Variants in WNK1 observed in about 807,000 individuals in gnomAD.
WNK1 encodes WNK lysine deficient protein kinase 1.
Under a neutral mutation model 222.8 loss-of-function variants are expected in WNK1, and 38 were observed. The observed-to-expected ratio is 0.17, with a 90% confidence interval of 0.13 to 0.22. The LOEUF is 0.22. Ranked by LOEUF, WNK1 falls within the 10% of genes least tolerant of loss-of-function variation. The probability of loss-of-function intolerance (pLI) is 1.00; values close to 1 mark genes in which losing one functional copy is unlikely to be tolerated. For synonymous variants in WNK1, 1,090 were observed against 1,092.9 expected, an observed-to-expected ratio of 1.00 and a Z score of 0.05; for missense variants, 2,348 against 2,918.4, an observed-to-expected ratio of 0.80 and a Z score of 4.50.
intron 10 of WNK1, 96 bp from the exon 11 acceptor site, chr12:879,477 T>TTGGCTAATACA: frequency 5.1e-6 from 4 of 782,210 alleles, no homozygotes; most frequent in East Asian, 3.2e-5. Context: ...TTCCTTCTTT[T>TTGGCTAATACA]TGGCTAATAC....
chr12:878,324 C>T lies in WNK1; in HGVS notation c.2336C>T (p.Ala779Val), dbSNP rs141428612. 799 of 1,614,054 alleles carry T rather than the reference C, an allele frequency of 5.0e-4. 2 individuals are homozygous for T. Among genetic ancestry groups the T allele is most frequent in the Middle Eastern group, 2.8e-3 (17 of 6,062 alleles). Residue 779 changes from alanine to valine, a missense_variant, in exon 10 of 28, where the codon GCT becomes GTT. By Grantham distance (64) the Ala-to-Val change is moderately conservative. Coordinates refer to ENST00000315939, the MANE Select transcript of WNK1 (RefSeq NM_018979.4). ...TTAQPVSQPQ[A>V]PQVLPQVSAG... is the part of the protein sequence containing the mutation. ...GCACAGCCAGTGAGTCAGCCTCAAG[C>T]TCCACAAGTCTTGCCTCAAGTATCA...
At chr12:850,495 A>G (rs1467184200) in intron 4 of WNK1, among the ~76,000 whole-genome samples, 1 of 152,112 alleles carries the variant, frequency 6.6e-6, no homozygotes, top group East Asian at 1.9e-4. Context: ...GTAGATTGCA[A>G]AAATTTTCTC....
chr12:830,212 T>A, intron 4 of WNK1, 52 bp downstream of exon 4: 1 of 1,591,974 alleles, frequency 6.3e-7, no homozygotes, highest in Non-Finnish European at 8.6e-7. Flanking sequence ...TAACAAAGAA[T>A]CCCAAGGTGG....
chr12:790,465 T>G (rs1944729007), intron 1 of WNK1, among the ~76,000 whole-genome samples: 1 of 152,142 alleles, frequency 6.6e-6, no homozygotes, highest in African/African-American at 2.4e-5. Flanking sequence ...GGAGAAAGAC[T>G]TTTCCTTATC....
chr12:904,531 C>T (rs1446391946), intron 26 of WNK1: 2 of 1,279,724 alleles, frequency 1.6e-6, no homozygotes, highest in Non-Finnish European at 2.0e-6. Flanking sequence ...TCCTTGATTG[C>T]AAAGCCTGTT....
intron 4 of WNK1, among the ~76,000 whole-genome samples, chr12:856,596 A>G (rs1950815904): frequency 6.6e-6 from 1 of 152,136 alleles, no homozygotes; most frequent in African/African-American, 2.4e-5. Flanking sequence ...TGTCTTTCGT[A>G]TGGGTCCAAT....
chr12:907,680 AAAACAAATGGCT>A, intron 26 of WNK1, 155 bp from the exon 27 acceptor site: 1 of 863,442 alleles, frequency 1.2e-6, no homozygotes, highest in Non-Finnish European at 1.9e-6. Context: ...CTATTATACC[AAAACAAATGGCT>A]AAACAAAACC....
Position 885,669 on chromosome 12 carries a change from C to G in WNK1, c.4865C>G (p.Pro1622Arg). 1 of 1,614,182 alleles carries G rather than the reference C, an allele frequency of 6.2e-7. No homozygotes were observed. Reference protein sequence around the residue: ...AVQQTLIHSQPQPALLPNQPH... With the variant: ...AVQQTLIHSQRQPALLPNQPH... ...CAGCAGACACTAATTCATAGTCAGC[C>G]TCAACCAGCTTTGCTTCCCAACCAG... Residue 1622 changes from proline (P) to arginine (R), a missense_variant, in exon 19 of 28, where the codon CCT becomes CGT. Pro to Arg is a moderately radical substitution (Grantham distance 103). Around this residue, in one of 13 missense-constraint regions of WNK1, gnomAD observed 1,144 missense variants for 1,273.6 expected, o/e 0.90. Coordinates refer to ENST00000315939, the MANE Select transcript of WNK1 (RefSeq NM_018979.4).
chr12:900,384 C>T, intron 25 of WNK1, 92 bp from the exon 26 acceptor site: 1 of 1,376,960 alleles, frequency 7.3e-7, no homozygotes, highest in Non-Finnish European at 1.0e-6. Flanking sequence ...ATTCATCACT[C>T]AGTGGAACAA....
In WNK1 at chr12:753,909, C is replaced by T. The variant is rs1326024531; in HGVS notation, c.344C>T (p.Ala115Val). 2 of 1,610,488 alleles carry T rather than the reference C, an allele frequency of 1.2e-6. No individual in the cohort carries two copies. The highest frequency in any genetic ancestry group is 1.3e-5 in the African/African-American group (1 of 75,032). Reference sequence around the variant, plus strand: ...ATCCCCGCGGCTGTCCCGCAGAGTGCTCCACCGGAGCCCCACCGGGAAGAG... The same window carrying T: ...ATCCCCGCGGCTGTCCCGCAGAGTGTTCCACCGGAGCCCCACCGGGAAGAG... ...PSIPAAVPQS[A>V]PPEPHREETV... The change falls in exon 1 of 28, where the codon GCT (alanine) becomes GTT (valine). Residue 115 changes from alanine to valine, a missense_variant. This residue lies in a region of WNK1 where 185 missense variants were observed against 159.2 expected (regional missense o/e 1.16). Coordinates refer to ENST00000315939, the MANE Select transcript of WNK1 (RefSeq NM_018979.4). This position sits in a 1 kb window ranked among gnomAD's most constrained non-coding sequence, Gnocchi z 5.2.
chr12:795,497 G>A (rs1945234600), intron 1 of WNK1, among the ~76,000 whole-genome samples: 1 of 152,000 alleles, frequency 6.6e-6, no homozygotes, highest in African/African-American at 2.4e-5. Context: ...TTGATAAGGG[G>A]AAACTGTTTT....
At chr12:784,894 A>C (rs1944114662) in intron 1 of WNK1, among the ~76,000 whole-genome samples, 1 of 152,204 alleles carries the variant, frequency 6.6e-6, no homozygotes, top group Non-Finnish European at 1.5e-5. Context: ...TTTGTGAAAG[A>C]ATAACTTCAT....
At chr12:816,929 T>C (rs1179912438) in intron 2 of WNK1, among the ~76,000 whole-genome samples, 1 of 151,980 alleles carries the variant, frequency 6.6e-6, no homozygotes, top group African/African-American at 2.4e-5. Context: ...TGTAAGTGTA[T>C]ATGAAGTGTA....
At chr12:860,535 A>C (rs1325318162) in intron 6 of WNK1, among the ~76,000 whole-genome samples, 1 of 152,138 alleles carries the variant, frequency 6.6e-6, no homozygotes, top group East Asian at 1.9e-4. Flanking sequence ...GTATTGTCTG[A>C]GCTTTTTTGC....
Position 907,987 on chromosome 12 carries a change from A to G in WNK1, c.6784A>G (p.Met2262Val), listed in dbSNP as rs764343033. ...GGTAGACAATTGGGCCCGAGATGCC[A>G]TGAATCTCTCAGGCAGGAGAGGAAG... is the stretch of plus-strand genomic sequence containing the variant. ...KLVDNWARDAMNLSGRRGSKG... is the reference protein window; with the variant it reads ...KLVDNWARDAVNLSGRRGSKG... The change falls in exon 27 of 28, where the codon ATG becomes GTG. Residue 2262 changes from methionine (M) to valine (V), a missense_variant. By Grantham distance (21) the Met-to-Val change is conservative. This residue lies in a region of WNK1 where 55 missense variants were observed against 104.1 expected (regional missense o/e 0.53). Transcript: ENST00000315939. The G allele has an allele frequency of 1.2e-6, 2 of 1,614,206 alleles. No individual in the cohort carries two copies. The highest frequency in any genetic ancestry group is 1.1e-5 in the South Asian group (1 of 91,080).
intron 1 of WNK1, among the ~76,000 whole-genome samples, chr12:791,694 A>G (rs1252625271): frequency 6.6e-6 from 1 of 152,234 alleles, no homozygotes; most frequent in Non-Finnish European, 1.5e-5. Context: ...GGCAGATAAA[A>G]TTGTCATTTA....
At chr12:782,411 GAAT>G (rs1463845089) in intron 1 of WNK1, among the ~76,000 whole-genome samples, 1 of 152,130 alleles carries the variant, frequency 6.6e-6, no homozygotes. Flanking sequence ...CAATTTGATA[GAAT>G]AATGTTTCCA....
chr12:855,655 T>C (rs1256581547), intron 4 of WNK1, among the ~76,000 whole-genome samples: 1 of 152,198 alleles, frequency 6.6e-6, no homozygotes. Flanking sequence ...CTTTGTTTTA[T>C]GTGTCTGTTG....
At chr12:773,740 A>G (rs1012056527) in intron 1 of WNK1, among the ~76,000 whole-genome samples, 1 of 152,192 alleles carries the variant, frequency 6.6e-6, no homozygotes, top group African/African-American at 2.4e-5. Context: ...TTTCAGTGGG[A>G]TCATAGGTGT....
Sources: allele counts gnomAD v4.1 joint callset (sites outside exome capture counted in the v4.1 genomes callset), GRCh38; gene constraint gnomAD v4.1.1; regional missense constraint gnomAD v4.1.1; non-coding constraint Gnocchi (gnomAD v3.1); transcripts MANE v1.5; gene names NCBI Gene and HGNC (gene_info 2026-07-23, HGNC 2026-07-21).